DOCK9: variants seen among roughly 807,000 people sequenced by gnomAD.
DOCK9 encodes the protein dedicator of cytokinesis 9, also known as dedicator of cytokinesis protein 9.
A neutral mutation model predicts 263.3 loss-of-function variants in DOCK9; 89 were observed. The observed-to-expected ratio is 0.34, with a 90% CI of 0.28 to 0.40. DOCK9 has a LOEUF of 0.40. DOCK9 is among the 10% of genes least tolerant of loss of function. The pLI, the probability that DOCK9 is intolerant of heterozygous loss-of-function variation, is 1.00. For missense variants in DOCK9, 2,140 were observed against 2,603.4 expected, an observed-to-expected ratio of 0.82 and a Z score of 3.87; for synonymous variants, 976 against 973.1, an observed-to-expected ratio of 1.00 and a Z score of -0.06.
chr13:99,018,970 CA>C (rs1210594017), intron 1 of DOCK9, among the ~76,000 whole-genome samples: 1 of 152,330 alleles, frequency 6.6e-6, no homozygotes, highest in East Asian at 1.9e-4. Flanking sequence ...CCTACCATCT[CA>C]CCCTCAGATG....
At chr13:99,000,239 T>C (rs1270921841) in intron 1 of DOCK9, among the ~76,000 whole-genome samples, 1 of 152,208 alleles carries the variant, frequency 6.6e-6, no homozygotes, top group Non-Finnish European at 1.5e-5. Flanking sequence ...CCTGCCCTGA[T>C]GTGTCCTTCT....
Position 98,922,133 on chromosome 13 carries a change from A to G in DOCK9, c.500T>C (p.Leu167Pro). Reference sequence around the variant, plus strand: ...GGTGATCCCACCCTTCTGGGAACCAAGGGAGGCAGCATCCTAGGAGAGAAG... The same window carrying G: ...GGTGATCCCACCCTTCTGGGAACCAGGGGAGGCAGCATCCTAGGAGAGAAG... ...EVDKDEDAASLGSQKGGITKH... is the reference protein window; with the variant it reads ...EVDKDEDAASPGSQKGGITKH... The change falls in exon 6 of 53, where the codon CTT (leucine) becomes CCT (proline). Residue 167 changes from leucine to proline, a missense_variant. By Grantham distance (98) the Leu-to-Pro change is moderately conservative. Transcript: ENST00000682017. The G allele has an allele frequency of 6.3e-7, 1 of 1,595,844 alleles. No homozygotes were observed.
chr13:99,027,512 A>G (rs1035495346), intron 1 of DOCK9, among the ~76,000 whole-genome samples: 1 of 152,212 alleles, frequency 6.6e-6, no homozygotes, highest in Non-Finnish European at 1.5e-5. Context: ...TTAAACCACC[A>G]GAGGCTGGGG....
intron 1 of DOCK9, among the ~76,000 whole-genome samples, chr13:99,051,855 C>CAAAAAAAA (rs11392986): frequency 0.02 from 2,114 of 105,738 alleles, 134 homozygotes; most frequent in East Asian, 0.05. Context: ...CCACTAGTGG[C>CAAAAAAAA]AAAAAAAAAA....
intron 46 of DOCK9, 64 bp from the exon 47 acceptor site, chr13:98,809,529 C>T: frequency 7.3e-7 from 1 of 1,360,672 alleles, no homozygotes; most frequent in Non-Finnish European, 1.0e-6. Flanking sequence ...TTTAAAATAA[C>T]AAATGTGATA....
chr13:99,068,846 A>G (rs2041547217), intron 1 of DOCK9, among the ~76,000 whole-genome samples: 1 of 152,214 alleles, frequency 6.6e-6, no homozygotes, highest in African/African-American at 2.4e-5. Context: ...TCTAGCTAGT[A>G]TAATAGTTTA....
At chr13:98,840,657 G>A (rs1487654882) in intron 38 of DOCK9, among the ~76,000 whole-genome samples, 4 of 152,148 alleles carry the variant, frequency 2.6e-5, no homozygotes, top group African/African-American at 9.7e-5. Flanking sequence ...GACATCAGAG[G>A]TAATGTGGTG....
In DOCK9 at chr13:98,996,473, C is replaced by G. The variant is rs117506957; in HGVS notation, c.130-40922G>C. Among the ~76,000 whole-genome samples, 374 of 152,296 alleles carry G rather than the reference C, an allele frequency of 2.5e-3. 3 individuals are homozygous for G. Among genetic ancestry groups the G allele is most frequent in the Non-Finnish European group, 3.9e-3 (264 of 68,018 alleles). Reference sequence around the variant, plus strand: ...TCTTCACAAATGTATATTTCACATTCCAACTGGACTGTGCCTTACAGGTCC... The same window carrying G: ...TCTTCACAAATGTATATTTCACATTGCAACTGGACTGTGCCTTACAGGTCC... On this transcript the variant is annotated intron_variant, in intron 1 of 32. Transcript: ENST00000427887.
intron 41 of DOCK9, 76 bp downstream of exon 41, chr13:98,831,272 T>C: frequency 6.9e-7 from 1 of 1,439,668 alleles, no homozygotes; most frequent in Non-Finnish European, 9.4e-7. Context: ...AATTGGTTAA[T>C]GTGATACTCA....
chr13:98,883,895 T>A lies in DOCK9; in HGVS notation c.2387A>T (p.Tyr796Phe), dbSNP rs370704246. Residue 796 changes from tyrosine (Y) to phenylalanine (F), a missense_variant, in exon 22 of 53, where the codon TAT (tyrosine) becomes TTT (phenylalanine). Physicochemically the swap from Tyr to Phe is conservative, Grantham distance 22. Transcript: ENST00000682017. ...ATCTACCCATTTAATTTCCGGACCA[T>A]AATGCTAAAAAAAATATGGAAGAAA... ...GYQELGMGRH[Y>F]GPEIKWVDGG... 19 of 1,605,984 alleles carry A rather than the reference T, an allele frequency of 1.2e-5. 1 individual carries two copies. The African/African-American group carries it at 2.4e-4, about 20-fold the overall frequency.
intron 37 of DOCK9, 87 bp from the exon 38 acceptor site, chr13:98,846,147 G>A: frequency 6.8e-7 from 1 of 1,461,772 alleles, no homozygotes; most frequent in Non-Finnish European, 9.3e-7. Flanking sequence ...GCCAGAACAT[G>A]GCACGAGGGA....
At chr13:98,908,622 C>T (rs1447627497) in intron 9 of DOCK9, among the ~76,000 whole-genome samples, 1 of 152,002 alleles carries the variant, frequency 6.6e-6, no homozygotes, top group Non-Finnish European at 1.5e-5. Flanking sequence ...CAGAAAATTT[C>T]AGAATAATGT....
intron 15 of DOCK9, among the ~76,000 whole-genome samples, chr13:98,891,514 T>G (rs998517085): frequency 4.6e-5 from 7 of 152,190 alleles, no homozygotes; most frequent in African/African-American, 1.7e-4. Context: ...AACAGGCATC[T>G]TCATCACCAT....
rs752031673 is a variant in DOCK9, at chr13:98,915,408, C to G, written c.813G>C (p.Trp271Cys). ...AADSEVEMEEWITILNKILQL... is the reference protein window; with the variant it reads ...AADSEVEMEECITILNKILQL... Reference sequence around the variant, plus strand: ...GGAGGATCTTATTTAGAATTGTGATCCATTCTTCCATTTCCACTTCACTGT... The same window carrying G: ...GGAGGATCTTATTTAGAATTGTGATGCATTCTTCCATTTCCACTTCACTGT... The change falls in exon 8 of 53, where the codon TGG becomes TGC. Residue 271 changes from tryptophan (W) to cysteine (C), a missense_variant. Physicochemically the swap from Trp to Cys is radical, Grantham distance 215. Transcript: ENST00000682017. The G allele has an allele frequency of 6.2e-7, 1 of 1,613,932 alleles. No individual in the cohort carries two copies.
intron 1 of DOCK9, among the ~76,000 whole-genome samples, chr13:99,007,746 C>T (rs1299352271): frequency 6.6e-6 from 1 of 152,148 alleles, no homozygotes; most frequent in Non-Finnish European, 1.5e-5. Flanking sequence ...TGTTACTTGC[C>T]TAAGTATACA....
intron 27 of DOCK9, among the ~76,000 whole-genome samples, chr13:98,877,199 G>A (rs772121250): frequency 4.6e-5 from 7 of 152,188 alleles, no homozygotes; most frequent in Non-Finnish European, 8.8e-5. Flanking sequence ...TGTGACCCTG[G>A]GCAGGTCACT....
intron 1 of DOCK9, among the ~76,000 whole-genome samples, chr13:98,961,918 T>C (rs1432758010): frequency 2.0e-5 from 3 of 152,234 alleles, no homozygotes; most frequent in Non-Finnish European, 4.4e-5. Context: ...GCCCCAGGAC[T>C]ACTTGGCGGT....
At chr13:99,018,917 A>C (rs1421086925) in intron 1 of DOCK9, among the ~76,000 whole-genome samples, 2 of 127,214 alleles carry the variant, frequency 1.6e-5, no homozygotes, top group Admixed American at 7.3e-5. Context: ...TTTGAGATGC[A>C]GGCCCAGGTC....
intron 1 of DOCK9, among the ~76,000 whole-genome samples, chr13:99,008,212 C>CTCTCTATA (rs1433985064): frequency 6.3e-5 from 5 of 79,174 alleles, no homozygotes; most frequent in South Asian, 4.9e-4. Flanking sequence ...CTCTCTCTCT[C>CTCTCTATA]TATATATATA....
Sources: allele counts gnomAD v4.1 joint callset (sites outside exome capture counted in the v4.1 genomes callset), GRCh38; gene constraint gnomAD v4.1.1; transcripts MANE v1.5; gene names NCBI Gene and HGNC (gene_info 2026-07-23, HGNC 2026-07-21).